The following UNC5D variants were observed in gnomAD, a reference collection of about 807,000 sequenced individuals.
The protein encoded by UNC5D is unc-5 netrin receptor D, also known as netrin receptor UNC5D.
A neutral mutation model predicts 105.4 loss-of-function variants in UNC5D; 39 were observed. The ratio of observed to expected loss-of-function variants is 0.37; its 90% confidence interval spans 0.29 to 0.48. The LOEUF is 0.48. UNC5D is among the 20% of genes least tolerant of loss of function. UNC5D has a pLI of 0.98. For synonymous variants in UNC5D, 452 were observed against 450.4 expected (o/e 1.00, Z -0.04); for missense variants, 991 against 1,202.4 (o/e 0.82, Z 2.60).
rs7814575 is a variant in UNC5D, at chr8:35,255,569, A to G, written c.103+19682A>G. On this transcript the variant is annotated intron_variant, in intron 1 of 16. Transcript: ENST00000404895. The stretch of plus-strand genomic sequence containing the variant: ...AACAACTGAGAAGGCTGGTTTTTCT[A>G]CTCCTGGTATGCTACCATATACTAG... 6.1e-4 allele frequency: 93 copies of G among 152,162 alleles called. 1 individual carries two copies. The highest frequency in any genetic ancestry group is 2.1e-3 in the African/African-American group (89 of 41,522). The allele number at this position is 152,162 out of a possible 1,614,324, so 9.4% of individuals were successfully genotyped here.
At chr8:35,446,569 G>T (rs1306788139) in intron 1 of UNC5D, among the ~76,000 whole-genome samples, 1 of 151,954 alleles carries the variant, frequency 6.6e-6, no homozygotes, top group African/African-American at 2.4e-5. Flanking sequence ...CAAAATAACT[G>T]GGTATGGTTT....
intron 7 of UNC5D, among the ~76,000 whole-genome samples, chr8:35,699,880 G>C (rs1177471194): frequency 2.6e-5 from 4 of 152,158 alleles, no homozygotes; most frequent in Non-Finnish European, 5.9e-5. Context: ...CAAATCTAGA[G>C]ATGGGTTATA....
chr8:35,731,345 G>C (rs756402455), intron 11 of UNC5D, among the ~76,000 whole-genome samples: 15 of 132,910 alleles, frequency 1.1e-4, no homozygotes, highest in Non-Finnish European at 2.0e-4. Flanking sequence ...AGGATGCAGT[G>C]AGCCAAGATC....
At chr8:35,417,867 T>C (rs1291056122) in intron 1 of UNC5D, among the ~76,000 whole-genome samples, 1 of 152,158 alleles carries the variant, frequency 6.6e-6, no homozygotes, top group Non-Finnish European at 1.5e-5. Context: ...CAGATACACA[T>C]ATGTAACAGT....
chr8:35,668,820 A>G (rs148288306), intron 4 of UNC5D, among the ~76,000 whole-genome samples: 117 of 152,284 alleles, frequency 7.7e-4, no homozygotes, highest in African/African-American at 2.6e-3. Flanking sequence ...TCTTGTTGAA[A>G]TGGAGCCTGG....
intron 4 of UNC5D, among the ~76,000 whole-genome samples, chr8:35,643,000 T>C (rs1822841764): frequency 6.6e-6 from 1 of 152,166 alleles, no homozygotes; most frequent in African/African-American, 2.4e-5. Context: ...AAGACATCCT[T>C]AACAAAAGGG....
At chr8:35,555,831 A>G (rs1386746713) in intron 2 of UNC5D, among the ~76,000 whole-genome samples, 1 of 137,520 alleles carries the variant, frequency 7.3e-6, no homozygotes, top group Admixed American at 7.4e-5. Flanking sequence ...CCTCAAAAAA[A>G]TACAAAAAAA....
chr8:35,790,773 C>T lies in UNC5D; in HGVS notation c.*210C>T. ...CTCTCTTACATATAAGAGGGCTCTA[C>T]TATCTCCTTGGAATCCACATTTGGG... On this transcript the variant is annotated 3_prime_UTR_variant, in exon 17 of 17. Transcript: ENST00000404895. 1.7e-6 allele frequency: 1 copy of T among 593,006 alleles called. No individual in the cohort carries two copies. Among genetic ancestry groups the T allele is most frequent in the Admixed American group, 3.0e-5 (1 of 33,484 alleles). The allele number at this position is 593,006 out of a possible 1,614,324, so 36.7% of individuals were successfully genotyped here.
intron 3 of UNC5D, among the ~76,000 whole-genome samples, chr8:35,573,183 AC>A (rs1365680508): frequency 6.6e-6 from 1 of 152,134 alleles, no homozygotes; most frequent in Non-Finnish European, 1.5e-5. Context: ...TAGTAACAAG[AC>A]CCTAGAATAT....
intron 1 of UNC5D, among the ~76,000 whole-genome samples, chr8:35,487,593 A>ACACACACACACACACACACACCC: frequency 6.6e-6 from 1 of 150,588 alleles, no homozygotes; most frequent in African/African-American, 2.5e-5. Context: ...ACACACACAC[A>ACACACACACACACACACACACCC]CCCCACAGAC....
chr8:35,470,767 AAAATAAATAAATAAAT>A (rs201455725), intron 1 of UNC5D, among the ~76,000 whole-genome samples: 6 of 139,304 alleles, frequency 4.3e-5, no homozygotes, highest in East Asian at 2.1e-4. Flanking sequence ...AGACTTTCTC[AAAATAAATAAATAAAT>A]AAATAAATAA....
intron 1 of UNC5D, among the ~76,000 whole-genome samples, chr8:35,310,276 G>A (rs909670269): frequency 3.3e-5 from 5 of 152,124 alleles, no homozygotes; most frequent in African/African-American, 1.2e-4. Flanking sequence ...ACAAGGGATA[G>A]GGAGTAAGCT....
chr8:35,315,948 C>T (rs1399806586), intron 1 of UNC5D, among the ~76,000 whole-genome samples: 1 of 152,054 alleles, frequency 6.6e-6, no homozygotes, highest in Non-Finnish European at 1.5e-5. Context: ...ATCCTGAGGG[C>T]ATTGGAGAGC....
intron 1 of UNC5D, among the ~76,000 whole-genome samples, chr8:35,366,451 C>T (rs111248949): frequency 5.9e-5 from 9 of 152,126 alleles, no homozygotes; most frequent in African/African-American, 2.2e-4. Context: ...ACTTCTCAGG[C>T]AGTATTTTTC....
At chr8:35,685,921 C>T (rs1235277989) in intron 6 of UNC5D, among the ~76,000 whole-genome samples, 1 of 152,116 alleles carries the variant, frequency 6.6e-6, no homozygotes, top group East Asian at 1.9e-4. Context: ...AGGGCAATTG[C>T]CTCAGACATC....
intron 1 of UNC5D, among the ~76,000 whole-genome samples, chr8:35,305,293 T>C (rs1563297299): frequency 6.6e-6 from 1 of 152,098 alleles, no homozygotes; most frequent in Non-Finnish European, 1.5e-5. Context: ...CATGGAATTC[T>C]TTTAGAGTTG....
chr8:35,263,237 G>A (rs1380834638), intron 1 of UNC5D, among the ~76,000 whole-genome samples: 2 of 152,136 alleles, frequency 1.3e-5, no homozygotes, highest in African/African-American at 4.8e-5. Flanking sequence ...TGAATAGAAT[G>A]AATCACTACC....
intron 3 of UNC5D, among the ~76,000 whole-genome samples, chr8:35,594,653 A>G (rs1432378578): frequency 6.6e-6 from 1 of 151,788 alleles, no homozygotes; most frequent in Non-Finnish European, 1.5e-5. Flanking sequence ...GTAAAGGCCA[A>G]CTCCCCACCT....
At chr8:35,654,784 T>G (rs746427256) in intron 4 of UNC5D, among the ~76,000 whole-genome samples, 4 of 152,198 alleles carry the variant, frequency 2.6e-5, no homozygotes, top group Non-Finnish European at 5.9e-5. Context: ...ATACTTTCCA[T>G]GACTTGAGTG....
Sources: allele counts gnomAD v4.1 joint callset (sites outside exome capture counted in the v4.1 genomes callset), GRCh38; gene constraint gnomAD v4.1.1; transcripts MANE v1.5; gene names NCBI Gene and HGNC (gene_info 2026-07-23, HGNC 2026-07-21).